The following WASHC2C variants were observed in gnomAD, a reference collection of about 807,000 sequenced individuals.
WASHC2C encodes WASH complex subunit 2C.
Under a neutral mutation model 142.2 loss-of-function variants are expected in WASHC2C, and 73 were observed. That is an observed-to-expected ratio of 0.51 (90% CI 0.43 to 0.62). The LOEUF (loss-of-function observed/expected upper bound fraction) is 0.62, where lower values mean the gene tolerates loss of function less well. Ranked by LOEUF, WASHC2C falls within the 20% of genes least tolerant of loss-of-function variation. The pLI, the probability that WASHC2C is intolerant of heterozygous loss-of-function variation, is 0.00. For synonymous variants in WASHC2C, 337 were observed against 565.5 expected, an observed-to-expected ratio of 0.60 and a Z score of 5.73; for missense variants, 969 against 1,531.7, an observed-to-expected ratio of 0.63 and a Z score of 6.13.
rs2054068058 is a variant in WASHC2C, at chr10:45,755,040, G to A, written c.1345G>A (p.Gly449Ser). ...RKSPYGPPPT[G>S]LFDDDDGDDD... ...AAGCCCCTATGGTCCCCCTCCCACT[G>A]GCCTCTTTGATGATGATGATGGTGA... The change falls in exon 15 of 31, where the codon GGC (glycine) becomes AGC (serine). Residue 449 changes from glycine to serine, a missense_variant. Coordinates refer to ENST00000623400, the MANE Select transcript of WASHC2C (RefSeq NM_001330074.2). The A allele has an allele frequency of 6.2e-7, 1 of 1,611,776 alleles. No individual in the cohort carries two copies. Among genetic ancestry groups the A allele is most frequent in the African/African-American group, 1.3e-5 (1 of 74,826 alleles).
At position 45,765,715 on chromosome 10, in the gene WASHC2C, A is replaced by G. The variant is rs1267103608; in HGVS notation, c.1774A>G (p.Thr592Ala). ...TGGGGGTACAGCTGCTAAGAAGCAGACATTGTCTCTACAAGCTCAGAGAGA... is the reference window on the plus strand; with the variant it reads ...TGGGGGTACAGCTGCTAAGAAGCAGGCATTGTCTCTACAAGCTCAGAGAGA... ...LFGGTAAKKQ[T>A]LSLQAQREEK... The change falls in exon 19 of 31, where the codon ACA becomes GCA. Residue 592 changes from threonine (T) to alanine (A), a missense_variant. By Grantham distance (58) the Thr-to-Ala change is moderately conservative. Coordinates refer to ENST00000623400, the MANE Select transcript of WASHC2C (RefSeq NM_001330074.2). The G allele has an allele frequency of 4.3e-6, 7 of 1,611,916 alleles. No homozygotes were observed. Among genetic ancestry groups the G allele is most frequent in the Admixed American group, 1.7e-5 (1 of 59,986 alleles).
intron 25 of WASHC2C, among the ~76,000 whole-genome samples, 166 bp downstream of exon 25, chr10:45,785,067 C>T (rs192581316): frequency 6.6e-6 from 1 of 152,286 alleles, no homozygotes; most frequent in East Asian, 1.9e-4. Flanking sequence ...GGATGCAATG[C>T]TTAGTTTCTG....
chr10:45,758,066 C>CT lies in WASHC2C; in HGVS notation c.1548+938dup, dbSNP rs879948679. On this transcript the variant is annotated intron_variant, in intron 16 of 30. Transcript: ENST00000623400. ...TAATCTAGAGCAACACCTCCCACAT[C>CT]TTTTTTTTTTTAATATCCAGCCACT... 4.5e-3 allele frequency among the ~76,000 whole-genome samples: 670 copies of CT among 148,454 alleles called. 2 individuals carry two copies. The highest frequency in any genetic ancestry group is 0.014 in the African/African-American group (574 of 40,636).
chr10:45,769,148 C>T (rs548308360), intron 19 of WASHC2C, among the ~76,000 whole-genome samples: 146 of 152,048 alleles, frequency 9.6e-4, no homozygotes, highest in African/African-American at 3.2e-3. Context: ...GACAGAGTCT[C>T]GCTCTGTCCC....
At chr10:45,788,838 G>T in intron 28 of WASHC2C, 33 bp from the exon 29 acceptor site, 1 of 1,611,986 alleles carries the variant, frequency 6.2e-7, no homozygotes, top group Non-Finnish European at 8.5e-7. Flanking sequence ...TTATTTTATC[G>T]TCAGATCAAT....
chr10:45,782,773 A>G (rs1244392994), intron 23 of WASHC2C, among the ~76,000 whole-genome samples: 3 of 151,516 alleles, frequency 2.0e-5, no homozygotes, highest in Non-Finnish European at 3.0e-5. Flanking sequence ...CAAAGTACTG[A>G]TACATGCTGC....
intron 5 of WASHC2C, among the ~76,000 whole-genome samples, chr10:45,741,004 G>A (rs2490892): frequency 2.7e-5 from 4 of 150,864 alleles, no homozygotes; most frequent in East Asian, 2.0e-4. Flanking sequence ...GCTGGAGTGC[G>A]TGGCACGATG....
intron 23 of WASHC2C, among the ~76,000 whole-genome samples, chr10:45,784,279 T>C (rs1185464765): frequency 0.055 from 418 of 7,560 alleles, 13 homozygotes; most frequent in South Asian, 0.096. Context: ...TATATATATA[T>C]ATATATATAT....
intron 25 of WASHC2C, 43 bp downstream of exon 25, chr10:45,784,944 T>G (rs782239985): frequency 2.5e-6 from 4 of 1,610,096 alleles, no homozygotes; most frequent in Admixed American, 3.4e-5. Flanking sequence ...GTGGGAAAGA[T>G]TCTGGGAAAG....
chr10:45,772,460 T>A (rs1458718690), intron 20 of WASHC2C, among the ~76,000 whole-genome samples: 2 of 152,280 alleles, frequency 1.3e-5, no homozygotes, highest in East Asian at 3.9e-4. Flanking sequence ...CTCATGCCTG[T>A]AATCCTAACT....
intron 3 of WASHC2C, among the ~76,000 whole-genome samples, chr10:45,735,195 A>G (rs2051067187): frequency 6.6e-6 from 1 of 151,500 alleles, no homozygotes; most frequent in Non-Finnish European, 1.5e-5. Context: ...TTGGCTTTTT[A>G]CTTTTCTGTG....
chr10:45,789,008 C>T lies in WASHC2C; in HGVS notation c.3225C>T (p.Ser1075=). The change falls in exon 29 of 31, where the codon TCC becomes TCT. Residue 1075 remains serine (S), a synonymous_variant. Coordinates refer to ENST00000623400, the MANE Select transcript of WASHC2C (RefSeq NM_001330074.2). ...PIAQWADGAI[S]PNGHRPQLRA... ...CACAGTGGGCTGATGGCGCCATTTC[C>T]CCAAATGGCCATCGGCCACAGCTCA... is the stretch of plus-strand genomic sequence containing the variant. 1.2e-6 allele frequency: 2 copies of T among 1,612,008 alleles called. No individual in the cohort carries two copies. The highest frequency in any genetic ancestry group is 1.7e-6 in the Non-Finnish European group (2 of 1,179,860).
chr10:45,738,586 C>T (rs1378194924), intron 4 of WASHC2C, among the ~76,000 whole-genome samples: 1 of 151,906 alleles, frequency 6.6e-6, no homozygotes, highest in Non-Finnish European at 1.5e-5. Context: ...CCTTTGTCAG[C>T]AATTATTACT....
chr10:45,750,103 C>T lies in WASHC2C; in HGVS notation c.740C>T (p.Thr247Ile), dbSNP rs563336397. The change falls in exon 9 of 31, where the codon ACA becomes ATA. Residue 247 changes from threonine to isoleucine, a missense_variant. By Grantham distance (89) the Thr-to-Ile change is moderately conservative. Transcript: ENST00000623400. ...HSDNEQNQHT[T>I]QMSDEEEDDD... ...GGTATTTTATACTCTTAGCACACCA[C>T]ACAAATGAGTGATGAGGAAGAGGAT... 77 of 1,610,184 alleles carry T rather than the reference C, an allele frequency of 4.8e-5. No individual in the cohort carries two copies. The African/African-American group carries it at 9.5e-4, about 20-fold the overall frequency.
At chr10:45,791,141 T>C (rs2058370721) in intron 30 of WASHC2C, among the ~76,000 whole-genome samples, 1 of 151,810 alleles carries the variant, frequency 6.6e-6, no homozygotes, top group African/African-American at 2.4e-5. Flanking sequence ...CTGAGCCACA[T>C]ACACATTTCC....
At chr10:45,771,450 C>T in intron 20 of WASHC2C, 1 of 984,900 alleles carries the variant, frequency 1.0e-6, no homozygotes, top group Non-Finnish European at 1.2e-6. Flanking sequence ...AGACATGGCT[C>T]CACCTTCATA....
At chr10:45,770,842 C>CA (rs1476106319) in intron 20 of WASHC2C, among the ~76,000 whole-genome samples, 2 of 152,070 alleles carry the variant, frequency 1.3e-5, no homozygotes, top group African/African-American at 2.4e-5. Flanking sequence ...ATTTGTTAAA[C>CA]AAAAATAAAA....
At position 45,784,584 on chromosome 10, in the gene WASHC2C, A is replaced by G; in HGVS notation, c.2498A>G (p.His833Arg). 1 of 1,611,234 alleles carries G rather than the reference A, an allele frequency of 6.2e-7. No individual in the cohort carries two copies. The highest frequency in any genetic ancestry group is 8.5e-7 in the Non-Finnish European group (1 of 1,179,748). The stretch of plus-strand genomic sequence containing the variant: ...TCCCAGGGCTGCGATCCTGATGCCC[A>G]CCCCAAGAGCACAGGTGTCTTCCAG... ...EVGKGCDPDA[H>R]PKSTGVFQDE... is the part of the protein sequence containing the mutation. The change falls in exon 24 of 31, where the codon CAC (histidine) becomes CGC (arginine). Residue 833 changes from histidine to arginine, a missense_variant. Transcript: ENST00000623400.
chr10:45,731,221 C>G (rs1379111911), intron 3 of WASHC2C, among the ~76,000 whole-genome samples: 4 of 140,642 alleles, frequency 2.8e-5, no homozygotes, highest in East Asian at 2.1e-4. Context: ...TTAGCCTTAG[C>G]TTTTTTTTTT....
Sources: allele counts gnomAD v4.1 joint callset (sites outside exome capture counted in the v4.1 genomes callset), GRCh38; gene constraint gnomAD v4.1.1; transcripts MANE v1.5; gene names NCBI Gene and HGNC (gene_info 2026-07-23, HGNC 2026-07-21).